NCBP2AS2: variants seen among roughly 807,000 people sequenced by gnomAD.
The protein encoded by NCBP2AS2 is protein NCBP2AS2.
For missense variants in NCBP2AS2, 125 were observed against 56.0 expected, an observed-to-expected ratio of 2.23 and a Z score of -3.93; for synonymous variants, 67 against 28.0, an observed-to-expected ratio of 2.39 and a Z score of -4.40.
In NCBP2AS2 at chr3:196,942,895, GCTC is replaced by G; in HGVS notation, c.181_183del (p.Ser61del). The G allele has an allele frequency of 1.4e-6, 1 of 700,638 alleles. No homozygotes were observed. Among genetic ancestry groups the G allele is most frequent in the Non-Finnish European group, 2.6e-6 (1 of 384,052 alleles). 43.4% of individuals were successfully genotyped at this position (700,638 alleles called of 1,614,324 possible). On this transcript the variant is annotated inframe_deletion, in exon 1 of 1. Coordinates refer to ENST00000602845, the MANE Select transcript of NCBP2AS2 (RefSeq NM_001355243.2). ...CAGGACCTCGCGGCTGGGCCCGTGGGCTCCCTGTGCCGCCGCGCTGAGCGATTT... is the reference window on the plus strand; with the variant it reads ...CAGGACCTCGCGGCTGGGCCCGTGGGCCTGTGCCGCCGCGCTGAGCGATTT...
rs1446484298 is a variant in NCBP2AS2, at chr3:196,943,180, T to C, written c.*164T>C. ...TAAGAGCCTAGGCCAGACCGCCCGCTCCGTTGAAGTCTTGTGATTGGACAA... is the reference window on the plus strand; with the variant it reads ...TAAGAGCCTAGGCCAGACCGCCCGCCCCGTTGAAGTCTTGTGATTGGACAA... On this transcript the variant is annotated 3_prime_UTR_variant, in exon 1 of 1. Coordinates refer to ENST00000602845, the MANE Select transcript of NCBP2AS2 (RefSeq NM_001355243.2). 7.2e-6 allele frequency: 4 copies of C among 556,702 alleles called. No individual in the cohort carries two copies. The highest frequency in any genetic ancestry group is 9.4e-6 in the Non-Finnish European group (3 of 320,268). The allele number at this position is 556,702 out of a possible 1,614,324, so 34.5% of individuals were successfully genotyped here. A position where few individuals can be genotyped will look rare whatever the true frequency, so the allele number is the denominator to read the frequency against.
chr3:196,942,900 C>G lies in NCBP2AS2; in HGVS notation c.184C>G (p.Leu62Val). 1 of 700,906 alleles carries G rather than the reference C, an allele frequency of 1.4e-6. No individual in the cohort carries two copies. The highest frequency in any genetic ancestry group is 2.6e-6 in the Non-Finnish European group (1 of 384,170). 43.4% of individuals were successfully genotyped at this position (700,906 alleles called of 1,614,324 possible). A position where few individuals can be genotyped will look rare whatever the true frequency, so the allele number is the denominator to read the frequency against. ...QDLAAGPVGS[L>V]CRRAERFRDA... ...CCTCGCGGCTGGGCCCGTGGGCTCC[C>G]TGTGCCGCCGCGCTGAGCGATTTAG... is the stretch of plus-strand genomic sequence containing the variant. Residue 62 changes from leucine (L) to valine (V), a missense_variant, in exon 1 of 1, where the codon CTG becomes GTG. Leu to Val is a conservative substitution (Grantham distance 32). Coordinates refer to ENST00000602845, the MANE Select transcript of NCBP2AS2 (RefSeq NM_001355243.2).
Position 196,943,470 on chromosome 3 carries a change from C to T in NCBP2AS2, c.*454C>T, listed in dbSNP as rs900031345. 9 of 165,872 alleles carry T rather than the reference C, an allele frequency of 5.4e-5. No individual in the cohort carries two copies. Among genetic ancestry groups the T allele is most frequent in the African/African-American group, 2.2e-4 (9 of 41,580 alleles). The allele number at this position is 165,872 out of a possible 1,614,324, so 10.3% of individuals were successfully genotyped here. A position where few individuals can be genotyped will look rare whatever the true frequency, so the allele number is the denominator to read the frequency against. On this transcript the variant is annotated 3_prime_UTR_variant, in exon 1 of 1. Transcript: ENST00000602845. ...GTTGATAGGCATGAGTGTGATACTT[C>T]TCAGGCAAGATGTGTTAAGAATACC... is the stretch of plus-strand genomic sequence containing the variant.
chr3:196,942,730 G>T lies in NCBP2AS2; in HGVS notation c.14G>T (p.Arg5Leu). ...CGCTTGGAGAAGATGGTGCTGCGGCGGCTGCTGGCCGCCCTGCTGCACAGC... is the reference window on the plus strand; with the variant it reads ...CGCTTGGAGAAGATGGTGCTGCGGCTGCTGCTGGCCGCCCTGCTGCACAGC... MVLR[R>L]LLAALLHSPQ... is the part of the protein sequence containing the mutation. Residue 5 changes from arginine (R) to leucine (L), a missense_variant, in exon 1 of 1, where the codon CGG becomes CTG. Transcript: ENST00000602845. 1 of 700,774 alleles carries T rather than the reference G, an allele frequency of 1.4e-6. No homozygotes were observed. The highest frequency in any genetic ancestry group is 1.5e-5 in the South Asian group (1 of 66,744). 43.4% of individuals were successfully genotyped at this position (700,774 alleles called of 1,614,324 possible).
chr3:196,943,266 G>A lies in NCBP2AS2; in HGVS notation c.*250G>A, dbSNP rs1716705326. 6.4e-6 allele frequency: 3 copies of A among 470,394 alleles called. No homozygotes were observed. The highest frequency in any genetic ancestry group is 4.0e-5 in the East Asian group (1 of 24,866). The allele number at this position is 470,394 out of a possible 1,614,324, so 29.1% of individuals were successfully genotyped here. ...ATGAAGGTAGGCTGGGTCCAGACAC[G>A]GCACCTACGGAGAGCCACGGACCGA... On this transcript the variant is annotated 3_prime_UTR_variant, in exon 1 of 1. Coordinates refer to ENST00000602845, the MANE Select transcript of NCBP2AS2 (RefSeq NM_001355243.2).
Position 196,942,710 on chromosome 3 carries a change from G to A in NCBP2AS2, c.-7G>A. On this transcript the variant is annotated 5_prime_UTR_variant, in exon 1 of 1. Coordinates refer to ENST00000602845, the MANE Select transcript of NCBP2AS2 (RefSeq NM_001355243.2). ...CGGCGAGGTCGGGTTCCGGGCGCTT[G>A]GAGAAGATGGTGCTGCGGCGGCTGC... 1.4e-6 allele frequency: 1 copy of A among 710,354 alleles called. No individual in the cohort carries two copies. Among genetic ancestry groups the A allele is most frequent in the Non-Finnish European group, 2.5e-6 (1 of 401,696 alleles). The allele number at this position is 710,354 out of a possible 1,614,324, so 44.0% of individuals were successfully genotyped here.
chr3:196,943,190 TCTTGTGA>T lies in NCBP2AS2; in HGVS notation c.*175_*181del. On this transcript the variant is annotated 3_prime_UTR_variant, in exon 1 of 1. Transcript: ENST00000602845. The stretch of plus-strand genomic sequence containing the variant: ...GGCCAGACCGCCCGCTCCGTTGAAG[TCTTGTGA>T]TTGGACAAGACACAGTGTGGAGACA... 1 of 547,936 alleles carries T rather than the reference TCTTGTGA, an allele frequency of 1.8e-6. No homozygotes were observed. The highest frequency in any genetic ancestry group is 2.3e-5 in the South Asian group (1 of 43,728). 33.9% of individuals were successfully genotyped at this position (547,936 alleles called of 1,614,324 possible). A position where few individuals can be genotyped will look rare whatever the true frequency, so the allele number is the denominator to read the frequency against.
chr3:196,943,203 C>T lies in NCBP2AS2; in HGVS notation c.*187C>T. The T allele has an allele frequency of 2.1e-6, 1 of 483,608 alleles. No homozygotes were observed. Among genetic ancestry groups the T allele is most frequent in the South Asian group, 2.4e-5 (1 of 41,706 alleles). 30.0% of individuals were successfully genotyped at this position (483,608 alleles called of 1,614,324 possible). A position where few individuals can be genotyped will look rare whatever the true frequency, so the allele number is the denominator to read the frequency against. ...GCTCCGTTGAAGTCTTGTGATTGGA[C>T]AAGACACAGTGTGGAGACAGCCCTA... On this transcript the variant is annotated 3_prime_UTR_variant, in exon 1 of 1. Coordinates refer to ENST00000602845, the MANE Select transcript of NCBP2AS2 (RefSeq NM_001355243.2).
Position 196,943,225 on chromosome 3 carries a change from C to CG in NCBP2AS2, c.*209_*210insG. 1 of 531,510 alleles carries CG rather than the reference C, an allele frequency of 1.9e-6. No individual in the cohort carries two copies. Among genetic ancestry groups the CG allele is most frequent in the Non-Finnish European group, 3.3e-6 (1 of 305,446 alleles). The allele number at this position is 531,510 out of a possible 1,614,324, so 32.9% of individuals were successfully genotyped here. On this transcript the variant is annotated 3_prime_UTR_variant, in exon 1 of 1. Transcript: ENST00000602845. ...GGACAAGACACAGTGTGGAGACAGC[C>CG]CTAAGCCTAACAGAGATGAAGGTAG...
chr3:196,942,749 G>A lies in NCBP2AS2; in HGVS notation c.33G>A (p.Leu11=), dbSNP rs1716674077. 4.3e-6 allele frequency: 3 copies of A among 700,766 alleles called. No homozygotes were observed. Among genetic ancestry groups the A allele is most frequent in the Admixed American group, 4.0e-5 (2 of 49,432 alleles). 43.4% of individuals were successfully genotyped at this position (700,766 alleles called of 1,614,324 possible). ...TGCGGCGGCTGCTGGCCGCCCTGCT[G>A]CACAGCCCGCAGCTGGTGGAACGTC... MVLRRLLAAL[L]HSPQLVERLS... is the part of the protein sequence containing the mutation. Residue 11 remains leucine (L), a synonymous_variant, in exon 1 of 1, where the codon CTG becomes CTA. Coordinates refer to ENST00000602845, the MANE Select transcript of NCBP2AS2 (RefSeq NM_001355243.2).
At position 196,943,189 on chromosome 3, in the gene NCBP2AS2, G is replaced by A. The variant is rs937441657; in HGVS notation, c.*173G>A. On this transcript the variant is annotated 3_prime_UTR_variant, in exon 1 of 1. Transcript: ENST00000602845. ...AGGCCAGACCGCCCGCTCCGTTGAA[G>A]TCTTGTGATTGGACAAGACACAGTG... 13 of 550,060 alleles carry A rather than the reference G, an allele frequency of 2.4e-5. No homozygotes were observed. In the Admixed American group the frequency reaches 3.7e-4, roughly 16 times the overall value. 34.1% of individuals were successfully genotyped at this position (550,060 alleles called of 1,614,324 possible).
In NCBP2AS2 at chr3:196,942,755, C is replaced by T. The variant is rs567703770; in HGVS notation, c.39C>T (p.Ser13=). 1.4e-4 allele frequency: 100 copies of T among 701,076 alleles called. No homozygotes were observed. In the African/African-American group the frequency reaches 1.4e-3, roughly 10 times the overall value. The allele number at this position is 701,076 out of a possible 1,614,324, so 43.4% of individuals were successfully genotyped here. A position where few individuals can be genotyped will look rare whatever the true frequency, so the allele number is the denominator to read the frequency against. ...LRRLLAALLH[S]PQLVERLSES... ...GGCTGCTGGCCGCCCTGCTGCACAG[C>T]CCGCAGCTGGTGGAACGTCTGTCAG... The change falls in exon 1 of 1, where the codon AGC becomes AGT. Residue 13 remains serine, a synonymous_variant. Transcript: ENST00000602845.
rs1240770286 is a variant in NCBP2AS2, at chr3:196,942,722, G to T, written c.6G>T (p.Val2=). 2.8e-6 allele frequency: 2 copies of T among 704,284 alleles called. No homozygotes were observed. Among genetic ancestry groups the T allele is most frequent in the Admixed American group, 2.1e-5 (1 of 46,886 alleles). The allele number at this position is 704,284 out of a possible 1,614,324, so 43.6% of individuals were successfully genotyped here. A position where few individuals can be genotyped will look rare whatever the true frequency, so the allele number is the denominator to read the frequency against. M[V]LRRLLAALLH... is the part of the protein sequence containing the mutation. ...GTTCCGGGCGCTTGGAGAAGATGGT[G>T]CTGCGGCGGCTGCTGGCCGCCCTGC... Residue 2 remains valine (V), a synonymous_variant, in exon 1 of 1, where the codon GTG becomes GTT. Transcript: ENST00000602845.
In NCBP2AS2 at chr3:196,942,875, C is replaced by G; in HGVS notation, c.159C>G (p.Asp53Glu). 1 of 699,582 alleles carries G rather than the reference C, an allele frequency of 1.4e-6. No individual in the cohort carries two copies. 43.3% of individuals were successfully genotyped at this position (699,582 alleles called of 1,614,324 possible). A position where few individuals can be genotyped will look rare whatever the true frequency, so the allele number is the denominator to read the frequency against. Residue 53 changes from aspartate (D) to glutamate (E), a missense_variant, in exon 1 of 1, where the codon GAC (aspartate) becomes GAG (glutamate). By Grantham distance (45) the Asp-to-Glu change is conservative. Transcript: ENST00000602845. ...AGGACGCGGCCCGCCGCCTGCAGGA[C>G]CTCGCGGCTGGGCCCGTGGGCTCCC... is the stretch of plus-strand genomic sequence containing the variant. ...RGQDAARRLQ[D>E]LAAGPVGSLC...
Position 196,942,811 on chromosome 3 carries a change from TCACGGCCTTCGCA to T in NCBP2AS2, c.97_109del (p.Thr33CysfsTer124). 2 of 699,668 alleles carry T rather than the reference TCACGGCCTTCGCA, an allele frequency of 2.9e-6. No individual in the cohort carries two copies. Among genetic ancestry groups the T allele is most frequent in the Non-Finnish European group, 5.2e-6 (2 of 383,878 alleles). The allele number at this position is 699,668 out of a possible 1,614,324, so 43.3% of individuals were successfully genotyped here. On this transcript the variant is annotated frameshift_variant, in exon 1 of 1. Coordinates refer to ENST00000602845, the MANE Select transcript of NCBP2AS2 (RefSeq NM_001355243.2). LOFTEE classifies it low-confidence loss of function (END_TRUNC). ...CGGCCTATCCGACGTGCGGCGCAGC[TCACGGCCTTCGCA>T]CTGCTGCAGGCCCAGCTGCGGGGCC...
Position 196,942,932 on chromosome 3 carries a change from C to G in NCBP2AS2, c.216C>G (p.Ala72=), listed in dbSNP as rs975072480. ...GCCGCGCTGAGCGATTTAGAGACGCCTTCACCCAGGAGCTACGCCGCGGCC... is the reference window on the plus strand; with the variant it reads ...GCCGCGCTGAGCGATTTAGAGACGCGTTCACCCAGGAGCTACGCCGCGGCC... ...LCRRAERFRD[A]FTQELRRGLR... Residue 72 remains alanine, a synonymous_variant, in exon 1 of 1, where the codon GCC becomes GCG. Coordinates refer to ENST00000602845, the MANE Select transcript of NCBP2AS2 (RefSeq NM_001355243.2). 1.4e-6 allele frequency: 1 copy of G among 701,278 alleles called. No homozygotes were observed. The highest frequency in any genetic ancestry group is 1.8e-5 in the African/African-American group (1 of 56,884). 43.4% of individuals were successfully genotyped at this position (701,278 alleles called of 1,614,324 possible).
rs1346485457 is a variant in NCBP2AS2 at position 196,942,983 on chromosome 3, A to T, written c.267A>T (p.Pro89=). 1.4e-6 allele frequency: 1 copy of T among 692,194 alleles called. No homozygotes were observed. The highest frequency in any genetic ancestry group is 2.7e-5 in the East Asian group (1 of 36,588). The allele number at this position is 692,194 out of a possible 1,614,324, so 42.9% of individuals were successfully genotyped here. ...TCCGAGGCCGCTCGGGGCCACCACC[A>T]GGTAGCCAGAGGGGCCCTGGCGCAA... The part of the protein sequence containing the change: ...RGLRGRSGPP[P]GSQRGPGANI Residue 89 remains proline, a synonymous_variant, in exon 1 of 1, where the codon CCA becomes CCT. Transcript: ENST00000602845.
Position 196,942,921 on chromosome 3 carries a change from T to TA in NCBP2AS2, c.205_206insA (p.Phe69TyrfsTer2). 1 of 701,046 alleles carries TA rather than the reference T, an allele frequency of 1.4e-6. No individual in the cohort carries two copies. The allele number at this position is 701,046 out of a possible 1,614,324, so 43.4% of individuals were successfully genotyped here. ...CTCCCTGTGCCGCCGCGCTGAGCGA[T>TA]TTAGAGACGCCTTCACCCAGGAGCT... On this transcript the variant is annotated frameshift_variant, in exon 1 of 1. Transcript: ENST00000602845. LOFTEE classifies it low-confidence loss of function (END_TRUNC).
Position 196,943,133 on chromosome 3 carries a change from T to A in NCBP2AS2, c.*117T>A. ...GGCTTCGAATCCCGACTGGGATTGT[T>A]GGCCTGCAGACATCCCACGCATAAG... On this transcript the variant is annotated 3_prime_UTR_variant, in exon 1 of 1. Transcript: ENST00000602845. 1 of 591,856 alleles carries A rather than the reference T, an allele frequency of 1.7e-6. No individual in the cohort carries two copies. The highest frequency in any genetic ancestry group is 3.0e-6 in the Non-Finnish European group (1 of 337,468). 36.7% of individuals were successfully genotyped at this position (591,856 alleles called of 1,614,324 possible).
Sources: allele counts gnomAD v4.1 joint callset, GRCh38; gene constraint gnomAD v4.1.1; transcripts MANE v1.5; gene names NCBI Gene and HGNC (gene_info 2026-07-23, HGNC 2026-07-21).